SPAG17: variants seen among roughly 807,000 people sequenced by gnomAD.
SPAG17 encodes the protein sperm-associated antigen 17.
Under a neutral mutation model 273.6 loss-of-function variants are expected in SPAG17, and 169 were observed. The ratio of observed to expected loss-of-function variants is 0.62; its 90% CI spans 0.55 to 0.70. The LOEUF (loss-of-function observed/expected upper bound fraction) is 0.70, where lower values mean the gene tolerates loss of function less well. SPAG17 is among the 30% of genes least tolerant of loss of function. The probability of loss-of-function intolerance (pLI) is 0.00; values close to 1 mark genes in which losing one functional copy is unlikely to be tolerated. For synonymous variants in SPAG17, 825 were observed against 873.2 expected (o/e 0.94, Z 0.97); for missense variants, 2,557 against 2,627.8 (o/e 0.97, Z 0.59).
intron 3 of SPAG17, among the ~76,000 whole-genome samples, chr1:118,140,299 C>T (rs1357774097): frequency 6.6e-6 from 1 of 151,922 alleles, no homozygotes. Flanking sequence ...AGTGTAGTGA[C>T]TATAGTTAAT....
At chr1:118,173,237 T>C (rs533735730) in intron 1 of SPAG17, among the ~76,000 whole-genome samples, 1 of 152,180 alleles carries the variant, frequency 6.6e-6, no homozygotes, top group East Asian at 1.9e-4. Context: ...CGTAATACAG[T>C]AGAAAATTTT....
chr1:117,961,516 A>G (rs538511231), intron 48 of SPAG17: 1 of 152,264 alleles, frequency 6.6e-6, no homozygotes, highest in Admixed American at 6.5e-5. Context: ...TTCTTGAGAC[A>G]GTTTTGCTTT....
intron 23 of SPAG17, among the ~76,000 whole-genome samples, 179 bp downstream of exon 23, chr1:118,039,113 C>T (rs1299362454): frequency 1.3e-5 from 2 of 152,084 alleles, no homozygotes; most frequent in Non-Finnish European, 2.9e-5. Flanking sequence ...AAAGATAACG[C>T]TTAATATCCA....
intron 13 of SPAG17, 58 bp from the exon 14 acceptor site, chr1:118,081,700 G>T: frequency 7.2e-6 from 10 of 1,392,326 alleles, no homozygotes; most frequent in Non-Finnish European, 1.0e-5. Flanking sequence ...ATGGTACAGG[G>T]TTGACAGAGG....
chr1:118,024,888 G>A (rs1015888033), intron 27 of SPAG17, among the ~76,000 whole-genome samples: 6 of 152,002 alleles, frequency 3.9e-5, no homozygotes, highest in South Asian at 2.1e-4. Context: ...AGAAATTATC[G>A]AAATCTTCTG....
intron 19 of SPAG17, among the ~76,000 whole-genome samples, chr1:118,055,478 T>C (rs1294284599): frequency 6.6e-5 from 10 of 152,202 alleles, no homozygotes; most frequent in Non-Finnish European, 2.9e-5. Flanking sequence ...TAACATTTGA[T>C]CTGCACAACA....
At position 118,005,523 on chromosome 1, in the gene SPAG17, A is replaced by G. The variant is rs148119196; in HGVS notation, c.4667T>C (p.Ile1556Thr). The G allele has an allele frequency of 6.6e-5, 107 of 1,612,260 alleles. No homozygotes were observed. In the African/African-American group the frequency reaches 1.3e-3, roughly 20 times the overall value. ...CTCACGCTTTTGAAAAGGATAGTAT[A>G]TATTACTGCTTGACTCATGGCAGTA... ...AVYCHESSSN[I>T]YYPFQKREQL... Residue 1556 changes from isoleucine to threonine, a missense_variant, in exon 32 of 49, where the codon ATA (isoleucine) becomes ACA (threonine). Physicochemically the swap from Ile to Thr is moderately conservative, Grantham distance 89. Transcript: ENST00000336338.
At chr1:118,011,240 T>C (rs1659433209) in intron 30 of SPAG17, among the ~76,000 whole-genome samples, 1 of 152,172 alleles carries the variant, frequency 6.6e-6, no homozygotes, top group Non-Finnish European at 1.5e-5. Context: ...TAAAGGAATA[T>C]AAATCATTTT....
chr1:118,050,792 TA>T, intron 20 of SPAG17, among the ~76,000 whole-genome samples: 1 of 151,910 alleles, frequency 6.6e-6, no homozygotes, highest in African/African-American at 2.4e-5. Context: ...AACTACTTAC[TA>T]GAAGAAAACA....
At chr1:118,031,592 G>C in intron 25 of SPAG17, 100 bp downstream of exon 25, 1 of 1,198,432 alleles carries the variant, frequency 8.3e-7, no homozygotes, top group Non-Finnish European at 1.2e-6. Flanking sequence ...ACAATAAAAC[G>C]TATGCACTAT....
At chr1:118,029,202 C>T (rs945416680) in intron 25 of SPAG17, among the ~76,000 whole-genome samples, 1 of 151,980 alleles carries the variant, frequency 6.6e-6, no homozygotes. Context: ...CTACCATACT[C>T]CAGCCTGAGT....
chr1:118,072,500 C>G (rs1309843413), intron 17 of SPAG17, among the ~76,000 whole-genome samples: 3 of 152,120 alleles, frequency 2.0e-5, no homozygotes, highest in African/African-American at 7.2e-5. Flanking sequence ...TACAATAAAA[C>G]TAATAGAATA....
chr1:117,959,317 G>A (rs1175659378), intron 48 of SPAG17: 33 of 1,613,452 alleles, frequency 2.0e-5, no homozygotes, highest in Non-Finnish European at 2.6e-5. Context: ...AATATGGCTG[G>A]TCTTGATTAT....
At chr1:117,972,123 C>T (rs548842538) in intron 44 of SPAG17, 76 bp from the exon 45 acceptor site, 12 of 1,277,816 alleles carry the variant, frequency 9.4e-6, no homozygotes, top group African/African-American at 1.5e-5. Flanking sequence ...GTCCCTGTCA[C>T]CAGAGGAAAA....
At chr1:117,999,419 T>C (rs952019178) in intron 32 of SPAG17, among the ~76,000 whole-genome samples, 3 of 152,214 alleles carry the variant, frequency 2.0e-5, no homozygotes, top group African/African-American at 7.2e-5. Flanking sequence ...TCTTCCACAA[T>C]GGTTGAACTA....
intron 3 of SPAG17, among the ~76,000 whole-genome samples, chr1:118,145,576 T>C (rs996794921): frequency 2.0e-5 from 3 of 152,156 alleles, no homozygotes; most frequent in Non-Finnish European, 2.9e-5. Flanking sequence ...TTAAATCTAA[T>C]ATCAGAAAAA....
At chr1:117,970,139 T>C (rs771668046) in intron 45 of SPAG17, 23 bp from the exon 46 acceptor site, 4 of 1,603,874 alleles carry the variant, frequency 2.5e-6, no homozygotes, top group Non-Finnish European at 2.6e-6. Flanking sequence ...AAGATAAAAA[T>C]AAATTTATGA....
chr1:117,992,514 A>G lies in SPAG17; in HGVS notation c.5313T>C (p.His1771=). ...SVLQMRQFIQ[H]EVIKNEVKLR... The stretch of plus-strand genomic sequence containing the variant: ...GTTTCACCTCATTCTTTATGACCTC[A>G]TGCTGAATGAATTGGCGCATCTGTA... The change falls in exon 36 of 49, where the codon CAT becomes CAC. Residue 1771 remains histidine, a synonymous_variant. Coordinates refer to ENST00000336338, the MANE Select transcript of SPAG17 (RefSeq NM_206996.4). The G allele has an allele frequency of 1.9e-6, 3 of 1,613,580 alleles. No homozygotes were observed. Among genetic ancestry groups the G allele is most frequent in the Non-Finnish European group, 2.5e-6 (3 of 1,179,762 alleles).
chr1:118,143,971 G>A lies in SPAG17; in HGVS notation c.315+6572C>T, dbSNP rs557885456. On this transcript the variant is annotated intron_variant, in intron 3 of 48. Coordinates refer to ENST00000336338, the MANE Select transcript of SPAG17 (RefSeq NM_206996.4). Reference sequence around the variant, plus strand: ...GTGTGGCATGGGCTTCCTGCTGCTGGATCCCCGGCTCCACTGCATCACCAC... The same window carrying A: ...GTGTGGCATGGGCTTCCTGCTGCTGAATCCCCGGCTCCACTGCATCACCAC... Among the ~76,000 whole-genome samples the A allele has an allele frequency of 4.6e-5, 7 of 152,224 alleles. No homozygotes were observed. The South Asian group carries it at 1.5e-3, about 32-fold the overall frequency.
Sources: gnomAD v4.1 joint callset for allele counts (sites outside exome capture counted in the v4.1 genomes callset) on GRCh38, gnomAD v4.1.1 for gene constraint, MANE v1.5 for transcripts, NCBI Gene and HGNC (gene_info 2026-07-23, HGNC 2026-07-21) for gene names.